TLN2: variants seen among roughly 807,000 people sequenced by gnomAD.
TLN2 encodes the protein talin 2.
Under a neutral mutation model 294.7 loss-of-function variants are expected in TLN2, and 118 were observed. That is an observed-to-expected ratio of 0.40 (90% CI 0.34 to 0.47). The LOEUF (loss-of-function observed/expected upper bound fraction) is 0.47. TLN2 is among the 20% of genes least tolerant of loss of function. The probability of loss-of-function intolerance (pLI) is 0.84; values close to 1 mark genes in which losing one functional copy is unlikely to be tolerated. For synonymous variants in TLN2, 1,431 were observed against 1,304.5 expected, an observed-to-expected ratio of 1.10 and a Z score of -2.09; for missense variants, 3,083 against 3,282.2, an observed-to-expected ratio of 0.94 and a Z score of 1.48.
intron 1 of TLN2, among the ~76,000 whole-genome samples, chr15:62,443,017 T>G (rs2140308002): frequency 6.6e-6 from 1 of 152,346 alleles, no homozygotes; most frequent in East Asian, 1.9e-4. Flanking sequence ...GTCTTCTGAC[T>G]TTGGTCCTCC....
intron 1 of TLN2, among the ~76,000 whole-genome samples, chr15:62,538,622 T>C (rs1330567036): frequency 2.6e-5 from 4 of 152,220 alleles, no homozygotes; most frequent in Non-Finnish European, 5.9e-5. Context: ...TTTGGGGTTT[T>C]AGTTTGATTT....
At chr15:62,698,158 C>G (rs528027897) in intron 15 of TLN2, among the ~76,000 whole-genome samples, 1 of 152,094 alleles carries the variant, frequency 6.6e-6, no homozygotes, top group African/African-American at 2.4e-5. Flanking sequence ...GGCCAGATAC[C>G]CCTAGGAAAG....
chr15:62,572,420 A>G (rs2043955639), intron 1 of TLN2, among the ~76,000 whole-genome samples: 1 of 151,652 alleles, frequency 6.6e-6, no homozygotes, highest in Admixed American at 6.6e-5. Flanking sequence ...TTTTGTTTTT[A>G]TTTTTTGTAA....
intron 1 of TLN2, among the ~76,000 whole-genome samples, chr15:62,588,846 G>A (rs1172323965): frequency 6.7e-6 from 1 of 150,332 alleles, no homozygotes; most frequent in Non-Finnish European, 1.5e-5. Context: ...TAAAAACAAT[G>A]ATACTTTTGT....
chr15:62,693,500 G>T (rs1382083088), intron 13 of TLN2, among the ~76,000 whole-genome samples: 1 of 152,170 alleles, frequency 6.6e-6, no homozygotes, highest in Admixed American at 6.5e-5. Context: ...TAATGAATGA[G>T]CCTAGCACCC....
chr15:62,789,723 C>T (rs909286959), intron 45 of TLN2, among the ~76,000 whole-genome samples: 2 of 152,172 alleles, frequency 1.3e-5, no homozygotes, highest in African/African-American at 4.8e-5. Context: ...GGACTCTGCA[C>T]GGGAGCAGGA....
chr15:62,487,134 TC>T (rs2038441843), intron 1 of TLN2, among the ~76,000 whole-genome samples: 1 of 152,200 alleles, frequency 6.6e-6, no homozygotes, highest in Non-Finnish European at 1.5e-5. Flanking sequence ...ATTTGACAGT[TC>T]TGTCAATGCT....
At chr15:62,592,643 C>G (rs942406422) in intron 2 of TLN2, among the ~76,000 whole-genome samples, 1 of 128,736 alleles carries the variant, frequency 7.8e-6, no homozygotes, top group African/African-American at 3.1e-5. Context: ...GTGATGTGGA[C>G]CAGTCCAAAG....
At chr15:62,725,533 G>T (rs188542371) in intron 27 of TLN2, among the ~76,000 whole-genome samples, 1 of 152,152 alleles carries the variant, frequency 6.6e-6, no homozygotes, top group Non-Finnish European at 1.5e-5. Context: ...TACTGTGGTC[G>T]TATTACCACA....
chr15:62,750,552 T>A, intron 34 of TLN2, 61 bp downstream of exon 34: 1 of 1,420,542 alleles, frequency 7.0e-7, no homozygotes, highest in African/African-American at 1.4e-5. Context: ...GGGAGAAGTT[T>A]AGACGTGCCT....
intron 28 of TLN2, 107 bp downstream of exon 28, chr15:62,727,296 C>T (rs2060491278): frequency 2.0e-6 from 2 of 980,542 alleles, no homozygotes; most frequent in Non-Finnish European, 3.0e-6. Context: ...CATTTTTCTC[C>T]CAGCAGTTCA....
chr15:62,807,436 A>C (rs879720108), intron 51 of TLN2, among the ~76,000 whole-genome samples: 8 of 152,230 alleles, frequency 5.3e-5, no homozygotes, highest in Non-Finnish European at 1.0e-4. Flanking sequence ...CAGAACTGAA[A>C]TTAGCTCTCC....
At chr15:62,507,669 T>C (rs2039696953) in intron 1 of TLN2, among the ~76,000 whole-genome samples, 1 of 152,244 alleles carries the variant, frequency 6.6e-6, no homozygotes, top group Admixed American at 6.5e-5. Context: ...GGTAATTAAA[T>C]GCTAACATGA....
rs1257548814 is a variant in TLN2 at position 62,836,068 on chromosome 15, C to T, written c.7369C>T (p.Leu2457=). ...CCAGGATTCAGAGGCCATGAGGCGG[C>T]TACAGGTAATGGTCACTGATGCTGG... is the stretch of plus-strand genomic sequence containing the variant. ...ADQDSEAMRR[L]QAAGNAVKRA... Residue 2457 remains leucine (L), a synonymous_variant, in exon 57 of 59, where the codon CTA becomes TTA. Transcript: ENST00000636159. 3 of 1,608,660 alleles carry T rather than the reference C, an allele frequency of 1.9e-6. No homozygotes were observed. The highest frequency in any genetic ancestry group is 2.5e-6 in the Non-Finnish European group (3 of 1,177,732).
At chr15:62,402,401 A>G (rs1036227191) in intron 1 of TLN2, among the ~76,000 whole-genome samples, 1 of 152,064 alleles carries the variant, frequency 6.6e-6, no homozygotes, top group African/African-American at 2.4e-5. Context: ...CCTAGCTTTC[A>G]CCTACAAGGG....
At chr15:62,472,325 C>G (rs1051111899) in intron 1 of TLN2, among the ~76,000 whole-genome samples, 1 of 152,208 alleles carries the variant, frequency 6.6e-6, no homozygotes, top group Non-Finnish European at 1.5e-5. Flanking sequence ...TCATCTTTGT[C>G]CCATGGGGAG....
chr15:62,459,979 C>T (rs550390255), intron 1 of TLN2, among the ~76,000 whole-genome samples: 14 of 152,318 alleles, frequency 9.2e-5, no homozygotes, highest in Admixed American at 7.2e-4. Flanking sequence ...GGGTGACCCA[C>T]GATTGTTACT....
intron 1 of TLN2, among the ~76,000 whole-genome samples, chr15:62,538,594 T>G (rs999133457): frequency 6.6e-6 from 1 of 152,108 alleles, no homozygotes; most frequent in Non-Finnish European, 1.5e-5. Flanking sequence ...TCAAACATCC[T>G]TCCTCCTTGG....
At chr15:62,543,718 G>A (rs1204182342) in intron 1 of TLN2, among the ~76,000 whole-genome samples, 2 of 146,900 alleles carry the variant, frequency 1.4e-5, no homozygotes, top group African/African-American at 5.1e-5. Flanking sequence ...TCGTGCCACT[G>A]CACTCCAGCC....
Sources: allele counts gnomAD v4.1 joint callset (sites outside exome capture counted in the v4.1 genomes callset), GRCh38; gene constraint gnomAD v4.1.1; transcripts MANE v1.5; gene names NCBI Gene and HGNC (gene_info 2026-07-23, HGNC 2026-07-21).